Variants in KCNK2 observed in about 807,000 individuals in gnomAD.
The protein encoded by KCNK2 is potassium two pore domain channel subfamily K member 2, also known as potassium channel subfamily K member 2.
Under a neutral mutation model 40.5 loss-of-function variants are expected in KCNK2, and 21 were observed. The ratio of observed to expected loss-of-function variants is 0.52; its 90% CI spans 0.37 to 0.75. The LOEUF is 0.75. Among genes scored for constraint, KCNK2 ranks in the 30% least tolerant of loss-of-function variants. The pLI is 0.00. For synonymous variants in KCNK2, 191 were observed against 202.2 expected (o/e 0.94, Z 0.47); for missense variants, 399 against 531.6 (o/e 0.75, Z 2.45).
At chr1:215,054,071 A>G (rs1658077929) in intron 1 of KCNK2, among the ~76,000 whole-genome samples, 1 of 152,262 alleles carries the variant, frequency 6.6e-6, no homozygotes, top group Non-Finnish European at 1.5e-5. Context: ...CCTTAAATAA[A>G]TGATAGCACA....
chr1:215,016,031 A>G (rs1225308014), intron 1 of KCNK2, among the ~76,000 whole-genome samples: 2 of 152,196 alleles, frequency 1.3e-5, no homozygotes, highest in Non-Finnish European at 2.9e-5. Flanking sequence ...ATCAAGCGAA[A>G]CAAAATGTGT....
chr1:215,075,626 A>T (rs1258100507), intron 1 of KCNK2, among the ~76,000 whole-genome samples: 2 of 152,330 alleles, frequency 1.3e-5, no homozygotes, highest in East Asian at 3.9e-4. Context: ...AATGGCAAAA[A>T]ATTTGTAATG....
chr1:215,114,305 G>A (rs7549136), intron 2 of KCNK2, among the ~76,000 whole-genome samples: 86,243 of 151,922 alleles, frequency 0.57, 26,450 homozygotes, highest in Non-Finnish European at 0.68. Context: ...CATGAGGAAA[G>A]GTGCCAAGTT....
chr1:215,145,556 G>GA (rs1326354337), intron 3 of KCNK2, among the ~76,000 whole-genome samples: 5 of 151,900 alleles, frequency 3.3e-5, no homozygotes, highest in African/African-American at 1.2e-4. Context: ...TTTCTAAAAT[G>GA]AAAAAAATAT....
At chr1:215,006,639 T>G (rs1656137003) in intron 1 of KCNK2, among the ~76,000 whole-genome samples, 2 of 152,236 alleles carry the variant, frequency 1.3e-5, no homozygotes, top group Middle Eastern at 3.4e-3. Flanking sequence ...TATAATCCTA[T>G]GTACATATTA....
At chr1:215,055,175 A>G (rs1658115771) in intron 1 of KCNK2, among the ~76,000 whole-genome samples, 1 of 152,222 alleles carries the variant, frequency 6.6e-6, no homozygotes, top group African/African-American at 2.4e-5. Context: ...TACCACCAGT[A>G]TACCTGGGTA....
chr1:215,012,039 C>T (rs1656416795), intron 1 of KCNK2, among the ~76,000 whole-genome samples: 1 of 152,094 alleles, frequency 6.6e-6, no homozygotes, highest in African/African-American at 2.4e-5. Flanking sequence ...AACTCTGGTA[C>T]AATAAAACAC....
At chr1:215,029,616 A>G (rs548145287) in intron 1 of KCNK2, among the ~76,000 whole-genome samples, 1 of 147,478 alleles carries the variant, frequency 6.8e-6, no homozygotes, top group South Asian at 2.1e-4. Context: ...ATTAATATAT[A>G]TTTAATATAT....
upstream of KCNK2, among the ~76,000 whole-genome samples, chr1:215,078,538 C>G (rs1558079747): frequency 6.6e-6 from 1 of 152,130 alleles, no homozygotes; most frequent in African/African-American, 2.4e-5. Context: ...TCTTATAAAA[C>G]CATCAGATCT....
At chr1:215,070,253 A>AC (rs1658702124) in intron 1 of KCNK2, among the ~76,000 whole-genome samples, 1 of 150,324 alleles carries the variant, frequency 6.7e-6, no homozygotes, top group East Asian at 2.0e-4. Flanking sequence ...TGCTAAAAAA[A>AC]ACACAAAAAG....
intron 1 of KCNK2, among the ~76,000 whole-genome samples, chr1:215,056,731 C>T (rs1658184077): frequency 6.7e-6 from 1 of 148,150 alleles, no homozygotes; most frequent in African/African-American, 2.5e-5. Flanking sequence ...GTTGGGATTA[C>T]AGGCATGAGC....
chr1:215,015,440 G>A (rs1656551586), intron 1 of KCNK2, among the ~76,000 whole-genome samples: 1 of 152,140 alleles, frequency 6.6e-6, no homozygotes, highest in South Asian at 2.1e-4. Flanking sequence ...CGAGATTTCT[G>A]AACCACATAA....
intron 5 of KCNK2, among the ~76,000 whole-genome samples, chr1:215,175,311 T>C (rs1357762276): frequency 6.6e-6 from 1 of 152,098 alleles, no homozygotes; most frequent in Non-Finnish European, 1.5e-5. Flanking sequence ...CAAAGACAAA[T>C]AGTGACTCTG....
intron 1 of KCNK2, among the ~76,000 whole-genome samples, chr1:215,067,068 C>G (rs11120481): frequency 2.0e-5 from 3 of 151,828 alleles, no homozygotes; most frequent in African/African-American, 7.3e-5. Flanking sequence ...AAAAAACGAA[C>G]GGGGTGGGCT....
At chr1:215,230,577 C>CACAT (rs1666615932) in intron 6 of KCNK2, among the ~76,000 whole-genome samples, 1 of 29,946 alleles carries the variant, frequency 3.3e-5, no homozygotes, top group African/African-American at 1.3e-4. Context: ...TATATATATA[C>CACAT]AAGACCGTAA....
intron 1 of KCNK2, among the ~76,000 whole-genome samples, chr1:215,029,062 A>G (rs1359510895): frequency 1.3e-5 from 2 of 152,052 alleles, no homozygotes; most frequent in East Asian, 3.9e-4. Flanking sequence ...TCCATACATG[A>G]AAAGCTTCCC....
intron 6 of KCNK2, among the ~76,000 whole-genome samples, chr1:215,221,320 G>A (rs1666164064): frequency 6.6e-6 from 1 of 152,182 alleles, no homozygotes; most frequent in Non-Finnish European, 1.5e-5. Flanking sequence ...GTTGCAGTGA[G>A]CTGAGATCGC....
chr1:215,077,249 T>G (rs7551562), intron 1 of KCNK2, among the ~76,000 whole-genome samples: 142,970 of 152,170 alleles, frequency 0.94, 67,571 homozygotes, highest in Non-Finnish European at 0.99. Context: ...TAAGTGCCTT[T>G]GGAAGGACAT....
chr1:215,041,380 T>A (rs1398491462), intron 1 of KCNK2, among the ~76,000 whole-genome samples: 3 of 152,156 alleles, frequency 2.0e-5, no homozygotes, highest in African/African-American at 7.2e-5. Flanking sequence ...TAACCCATAG[T>A]TAGCTGGTGA....
Sources: gnomAD v4.1 joint callset for allele counts (sites outside exome capture counted in the v4.1 genomes callset) on GRCh38, gnomAD v4.1.1 for gene constraint, MANE v1.5 for transcripts, NCBI Gene and HGNC (gene_info 2026-07-23, HGNC 2026-07-21) for gene names.